Variants in LRRC37A2 observed in about 807,000 individuals in gnomAD.
The protein encoded by LRRC37A2 is leucine rich repeat containing 37 member A2.
LRRC37A2 carries 9 observed loss-of-function variants against 68.8 expected under a neutral mutation model. That is an observed-to-expected ratio of 0.13 (90% CI 0.08 to 0.23). The LOEUF (loss-of-function observed/expected upper bound fraction) is 0.23, where lower values mean the gene tolerates loss of function less well. Among genes scored for constraint, LRRC37A2 ranks in the 10% least tolerant of loss-of-function variants. LRRC37A2 has a pLI of 1.00. For synonymous variants in LRRC37A2, 63 were observed against 367.6 expected (o/e 0.17, Z 9.48); for missense variants, 168 against 950.4 (o/e 0.18, Z 10.82).
At chr17:46,742,540 A>G in the LRRC37A2 span, among the ~76,000 whole-genome samples, 1 of 152,208 alleles carries the variant, frequency 6.6e-6, no homozygotes, top group African/African-American at 2.4e-5. Flanking sequence ...GTAAAAGGCG[A>G]TCCAAACTGG....
the LRRC37A2 span, among the ~76,000 whole-genome samples, chr17:46,986,391 T>C: frequency 6.6e-6 from 1 of 152,186 alleles, no homozygotes; most frequent in African/African-American, 2.4e-5. Flanking sequence ...AAGTGCTCAA[T>C]AAATGCTAGT....
chr17:46,867,549 T>C, the LRRC37A2 span, among the ~76,000 whole-genome samples: 1 of 152,102 alleles, frequency 6.6e-6, no homozygotes, highest in Non-Finnish European at 1.5e-5. Flanking sequence ...AGGCAGGGGG[T>C]GGGTGATTAC....
the LRRC37A2 span, among the ~76,000 whole-genome samples, chr17:46,750,799 C>A: frequency 1.3e-5 from 2 of 151,198 alleles, no homozygotes; most frequent in Non-Finnish European, 2.9e-5. Flanking sequence ...AGCACATTTC[C>A]TTGCATTTAA....
At position 46,544,858 on chromosome 17, in the gene LRRC37A2, G is replaced by A. The variant is rs1161823524; in HGVS notation, c.3054-1397G>A. ...AAGAATAGTACAGAATCCAATCAAA[G>A]ATCAGGCACTGCATGTCATGTCTTC... is the stretch of plus-strand genomic sequence containing the variant. On this transcript the variant is annotated intron_variant, in intron 8 of 14. Coordinates refer to ENST00000576629, the Ensembl canonical transcript of LRRC37A2. Among the ~76,000 whole-genome samples, 4 of 131,810 alleles carry A rather than the reference G, an allele frequency of 3.0e-5. 1 individual carries two copies. Among genetic ancestry groups the A allele is most frequent in the Admixed American group, 2.3e-4 (3 of 13,236 alleles). 86.5% of individuals were successfully genotyped at this position (131,810 alleles called of 152,430 possible). A position where few individuals can be genotyped will look rare whatever the true frequency, so the allele number is the denominator to read the frequency against.
At chr17:46,953,565 T>G in the LRRC37A2 span, among the ~76,000 whole-genome samples, 1 of 152,170 alleles carries the variant, frequency 6.6e-6, no homozygotes, top group African/African-American at 2.4e-5. Flanking sequence ...ATATACCCAG[T>G]AATGGGATGG....
chr17:46,793,621 G>A, the LRRC37A2 span, among the ~76,000 whole-genome samples: 1 of 152,160 alleles, frequency 6.6e-6, no homozygotes. Flanking sequence ...AGAATTTCAG[G>A]GGACCAGAGA....
At chr17:46,907,134 G>A in the LRRC37A2 span, among the ~76,000 whole-genome samples, 4 of 152,314 alleles carry the variant, frequency 2.6e-5, no homozygotes, top group Admixed American at 2.6e-4. Context: ...CCAATGAAGG[G>A]AAGAGGGGCT....
At chr17:46,728,924 C>T in the LRRC37A2 span, 50 of 1,601,540 alleles carry the variant, frequency 3.1e-5, 1 homozygote, top group Admixed American at 6.6e-4. Flanking sequence ...CTGAAAAAGG[C>T]ACCTCCTCAG....
chr17:46,956,887 G>A, the LRRC37A2 span, among the ~76,000 whole-genome samples: 6 of 152,224 alleles, frequency 3.9e-5, no homozygotes, highest in Non-Finnish European at 8.8e-5. Flanking sequence ...TGGCAAGAAA[G>A]GATGCTAATG....
At chr17:46,876,121 GC>G in the LRRC37A2 span, 4 of 908,262 alleles carry the variant, frequency 4.4e-6, no homozygotes, top group South Asian at 7.1e-5. Flanking sequence ...AGGAGCTGGG[GC>G]TGAGACCCTG....
chr17:47,025,664 G>C, the LRRC37A2 span, among the ~76,000 whole-genome samples: 3 of 144,788 alleles, frequency 2.1e-5, no homozygotes, highest in East Asian at 6.0e-4. Flanking sequence ...AAGATACTAT[G>C]TTCATTGCTA....
the LRRC37A2 span, among the ~76,000 whole-genome samples, chr17:46,754,858 A>G: frequency 1.3e-5 from 2 of 152,362 alleles, no homozygotes; most frequent in Non-Finnish European, 2.9e-5. Flanking sequence ...GAAAAGCTAC[A>G]TGGTTGGTTA....
chr17:46,886,075 T>G, the LRRC37A2 span: 1 of 152,274 alleles, frequency 6.6e-6, no homozygotes, highest in African/African-American at 2.4e-5. Context: ...TCCACCCGCT[T>G]CCCCAGATGA....
the LRRC37A2 span, among the ~76,000 whole-genome samples, chr17:46,877,704 G>A: frequency 1.3e-5 from 2 of 152,174 alleles, no homozygotes; most frequent in Non-Finnish European, 2.9e-5. Context: ...GGGCCTGCCT[G>A]GTCTGTGACA....
the LRRC37A2 span, among the ~76,000 whole-genome samples, chr17:46,623,326 A>G: frequency 1.8e-5 from 1 of 55,520 alleles, no homozygotes; most frequent in African/African-American, 1.1e-4. Context: ...TCAAAAAAAA[A>G]AAAAAAAAAA....
At chr17:47,000,067 A>ATT in the LRRC37A2 span, among the ~76,000 whole-genome samples, 2 of 22,644 alleles carry the variant, frequency 8.8e-5, 1 homozygote, top group African/African-American at 1.6e-4. Context: ...ATAAAATTAA[A>ATT]ATAAAATAAA....
chr17:46,841,106 C>G, the LRRC37A2 span, among the ~76,000 whole-genome samples: 1 of 152,104 alleles, frequency 6.6e-6, no homozygotes, highest in South Asian at 2.1e-4. Context: ...AAGAGGGTGC[C>G]GACAGACAAG....
chr17:46,501,215 G>C, the LRRC37A2 span, among the ~76,000 whole-genome samples: 7 of 151,156 alleles, frequency 4.6e-5, no homozygotes, highest in African/African-American at 1.7e-4. Flanking sequence ...AGTCTCTGTT[G>C]CCTAGGCTGG....
the LRRC37A2 span, among the ~76,000 whole-genome samples, chr17:46,877,597 A>T: frequency 6.6e-6 from 1 of 152,220 alleles, no homozygotes; most frequent in South Asian, 2.1e-4. Context: ...CCCAGCGCAG[A>T]GGAGGAGGGC....
Sources: allele counts gnomAD v4.1 joint callset (sites outside exome capture counted in the v4.1 genomes callset), GRCh38; gene constraint gnomAD v4.1.1; transcripts MANE v1.5; gene names NCBI Gene and HGNC (gene_info 2026-07-23, HGNC 2026-07-21).